Variants in EEFSEC observed in about 807,000 individuals in gnomAD.
EEFSEC encodes eukaryotic elongation factor, selenocysteine-tRNA specific.
In EEFSEC, 43 loss-of-function variants were observed where a neutral mutation model predicts 42.1. That is an observed-to-expected ratio of 1.02 (90% CI 0.80 to 1.32). EEFSEC has a LOEUF of 1.32. Ranked by LOEUF, EEFSEC falls within the 40% of genes most tolerant of loss-of-function variation. EEFSEC has a pLI of 0.00. For synonymous variants in EEFSEC, 354 were observed against 339.1 expected, an observed-to-expected ratio of 1.04 and a Z score of -0.48; for missense variants, 745 against 803.6, an observed-to-expected ratio of 0.93 and a Z score of 0.88.
intron 5 of EEFSEC, among the ~76,000 whole-genome samples, chr3:128,355,289 G>T (rs183235164): frequency 6.6e-6 from 1 of 152,310 alleles, no homozygotes; most frequent in Non-Finnish European, 1.5e-5. Context: ...CTTGGCCTCA[G>T]TCCTGGGGGC....
chr3:128,169,395 T>C (rs1256367796), intron 1 of EEFSEC, among the ~76,000 whole-genome samples: 6 of 152,162 alleles, frequency 3.9e-5, no homozygotes. Context: ...CAGATGCATA[T>C]ATCTGGACTC....
the EEFSEC span, among the ~76,000 whole-genome samples, chr3:128,417,444 T>C: frequency 6.6e-6 from 1 of 151,952 alleles, no homozygotes; most frequent in Admixed American, 6.6e-5. This position sits in a 1 kb window ranked among gnomAD's most constrained non-coding sequence, Gnocchi z 4.3. Flanking sequence ...CCATTCTTCA[T>C]TGAGCAGCCC....
At chr3:128,188,293 G>A (rs2065484895) in intron 1 of EEFSEC, among the ~76,000 whole-genome samples, 1 of 152,212 alleles carries the variant, frequency 6.6e-6, no homozygotes, top group Non-Finnish European at 1.5e-5. Flanking sequence ...GGAACAGAAT[G>A]GGTATGAGGT....
chr3:128,417,982 A>G, the EEFSEC span, among the ~76,000 whole-genome samples: 21 of 151,806 alleles, frequency 1.4e-4, no homozygotes, highest in Non-Finnish European at 2.6e-4. The surrounding 1 kb of genome is among the most constrained non-coding windows in gnomAD (Gnocchi z 4.3). Context: ...AGCCCACCCT[A>G]TGGCCCCAGG....
intron 5 of EEFSEC, among the ~76,000 whole-genome samples, chr3:128,357,922 C>T (rs989083565): frequency 2.6e-5 from 4 of 152,062 alleles, no homozygotes; most frequent in Non-Finnish European, 5.9e-5. Flanking sequence ...TGTAAAGTGG[C>T]GCCACAGAGC....
chr3:128,240,096 A>G (rs564837448), intron 1 of EEFSEC, among the ~76,000 whole-genome samples: 1 of 152,258 alleles, frequency 6.6e-6, no homozygotes. Flanking sequence ...GCTAGGTCAC[A>G]GGCACTGTGC....
At chr3:128,176,883 AAAGACT>A (rs1261789661) in intron 1 of EEFSEC, among the ~76,000 whole-genome samples, 1 of 152,160 alleles carries the variant, frequency 6.6e-6, no homozygotes, top group Non-Finnish European at 1.5e-5. Flanking sequence ...TACTGATAAT[AAAGACT>A]CCCGGCCTCA....
chr3:128,157,482 G>T (rs755830684), intron 1 of EEFSEC, among the ~76,000 whole-genome samples: 1 of 152,224 alleles, frequency 6.6e-6, no homozygotes, highest in African/African-American at 2.4e-5. Flanking sequence ...CAATGACTGG[G>T]TACAAAGCTT....
rs559551304 is a variant in EEFSEC, at chr3:128,160,792, GCA to G, written c.316+6977_316+6978del. Among the ~76,000 whole-genome samples, 399 of 151,966 alleles carry G rather than the reference GCA, an allele frequency of 2.6e-3. 2 individuals are homozygous for G. The highest frequency in any genetic ancestry group is 4.0e-3 in the Non-Finnish European group (275 of 67,976). On this transcript the variant is annotated intron_variant, in intron 1 of 6. Coordinates refer to ENST00000254730, the MANE Select transcript of EEFSEC (RefSeq NM_021937.5). ...AGCTGGCTCTAATTCCACTGTGTGCGCACACACACGCGCGCACACACACACAC... is the reference window on the plus strand; with the variant it reads ...AGCTGGCTCTAATTCCACTGTGTGCGCACACACGCGCGCACACACACACAC...
intron 1 of EEFSEC, among the ~76,000 whole-genome samples, chr3:128,173,814 C>T (rs759437795): frequency 3.9e-5 from 6 of 152,088 alleles, no homozygotes; most frequent in Non-Finnish European, 8.8e-5. Flanking sequence ...TTTACCAATA[C>T]TGGGGAAGAG....
intron 6 of EEFSEC, among the ~76,000 whole-genome samples, chr3:128,394,308 A>C (rs1254970150): frequency 6.6e-6 from 1 of 152,168 alleles, no homozygotes; most frequent in Non-Finnish European, 1.5e-5. Flanking sequence ...GAGGACAGCC[A>C]GCACCGCCGC....
At chr3:128,380,024 T>G (rs1414255627) in intron 6 of EEFSEC, among the ~76,000 whole-genome samples, 1 of 152,170 alleles carries the variant, frequency 6.6e-6, no homozygotes, top group Non-Finnish European at 1.5e-5. Context: ...GCATGTAAGG[T>G]ATAGGGAGCA....
At chr3:128,304,984 A>G (rs1025500729) in intron 4 of EEFSEC, among the ~76,000 whole-genome samples, 9 of 152,230 alleles carry the variant, frequency 5.9e-5, no homozygotes, top group Non-Finnish European at 1.2e-4. Flanking sequence ...AATTGCAGGC[A>G]TGAGCCACCA....
intron 6 of EEFSEC, chr3:128,367,655 T>TA (rs1168255506): frequency 3.0e-6 from 3 of 985,298 alleles, no homozygotes; most frequent in East Asian, 1.1e-4. Context: ...ATTATGGACT[T>TA]ATGTCCCCTT....
rs569274527 is a variant in EEFSEC, at chr3:128,396,767, G to C, written c.1601-11302G>C. On this transcript the variant is annotated intron_variant, in intron 6 of 6. Transcript: ENST00000254730. Reference sequence around the variant, plus strand: ...GAACTGAGGTTTGCTGTTGTCTGTGGAGCATGTGGAATGGTGCCTAGCCTG... The same window carrying C: ...GAACTGAGGTTTGCTGTTGTCTGTGCAGCATGTGGAATGGTGCCTAGCCTG... 1.2e-4 allele frequency among the ~76,000 whole-genome samples: 18 copies of C among 152,352 alleles called. No individual in the cohort carries two copies. The South Asian group carries it at 2.1e-3, about 18-fold the overall frequency.
At chr3:128,311,057 G>A (rs1011073785) in intron 4 of EEFSEC, among the ~76,000 whole-genome samples, 7 of 152,244 alleles carry the variant, frequency 4.6e-5, no homozygotes, top group Non-Finnish European at 8.8e-5. Flanking sequence ...AACTGGAAAA[G>A]TAAGAAAAGA....
chr3:128,222,172 T>A (rs2065868294), intron 1 of EEFSEC, among the ~76,000 whole-genome samples: 1 of 152,070 alleles, frequency 6.6e-6, no homozygotes, highest in African/African-American at 2.4e-5. Flanking sequence ...TAGCTGGGAT[T>A]ACAGGTGCAC....
At chr3:128,319,262 G>T (rs375900019) in intron 4 of EEFSEC, among the ~76,000 whole-genome samples, 1 of 152,198 alleles carries the variant, frequency 6.6e-6, no homozygotes, top group African/African-American at 2.4e-5. Flanking sequence ...TACCCTGCCT[G>T]CTGCCTCACC....
chr3:128,229,557 A>G (rs2065939733), intron 1 of EEFSEC, among the ~76,000 whole-genome samples: 2 of 152,220 alleles, frequency 1.3e-5, no homozygotes, highest in African/African-American at 2.4e-5. Context: ...TCCAATAGTT[A>G]CAGGCCTAAA....
Sources: allele counts gnomAD v4.1 joint callset (sites outside exome capture counted in the v4.1 genomes callset), GRCh38; gene constraint gnomAD v4.1.1; non-coding constraint Gnocchi (gnomAD v3.1); transcripts MANE v1.5; gene names NCBI Gene and HGNC (gene_info 2026-07-23, HGNC 2026-07-21).